Variants in SLC44A5 observed in about 807,000 individuals in gnomAD.
The protein encoded by SLC44A5 is solute carrier family 44 member 5, also known as choline transporter-like protein 5.
A neutral mutation model predicts 101.8 loss-of-function variants in SLC44A5; 57 were observed. That is an observed-to-expected ratio of 0.56 (90% CI 0.45 to 0.70). The LOEUF (loss-of-function observed/expected upper bound fraction) is 0.70. SLC44A5 is among the 30% of genes least tolerant of loss of function. The pLI, the probability that SLC44A5 is intolerant of heterozygous loss-of-function variation, is 0.00. For missense variants in SLC44A5, 737 were observed against 853.1 expected (o/e 0.86, Z 1.70); for synonymous variants, 281 against 290.9 (o/e 0.97, Z 0.35).
chr1:75,326,004 T>C (rs12726507), intron 4 of SLC44A5, among the ~76,000 whole-genome samples: 47,362 of 151,706 alleles, frequency 0.31, 8,905 homozygotes, highest in East Asian at 0.82. Context: ...TACAATTTTC[T>C]ACTTGTGATG....
chr1:75,564,929 ATTTTTAT>A (rs1256362093), intron 1 of SLC44A5, among the ~76,000 whole-genome samples: 1 of 152,056 alleles, frequency 6.6e-6, no homozygotes, highest in African/African-American at 2.4e-5. Flanking sequence ...GCCTATTTTT[ATTTTTAT>A]TTTTAAGTCC....
chr1:75,322,053 T>C (rs1656194266), intron 4 of SLC44A5, among the ~76,000 whole-genome samples: 1 of 152,074 alleles, frequency 6.6e-6, no homozygotes, highest in South Asian at 2.1e-4. Flanking sequence ...GTGGCTCACG[T>C]CTGGAATTCC....
chr1:75,635,259 C>T, the SLC44A5 span, among the ~76,000 whole-genome samples: 5 of 151,386 alleles, frequency 3.3e-5, no homozygotes, highest in East Asian at 2.0e-4. Context: ...GGCGATTCCT[C>T]GGGGATCTAG....
intron 4 of SLC44A5, among the ~76,000 whole-genome samples, chr1:75,322,299 G>A (rs1656219593): frequency 2.0e-5 from 3 of 151,970 alleles, no homozygotes; most frequent in South Asian, 2.1e-4. Context: ...GCAACAGAGC[G>A]AGACTCCATC....
At chr1:75,562,713 C>T (rs1230471239) in intron 1 of SLC44A5, among the ~76,000 whole-genome samples, 1 of 152,080 alleles carries the variant, frequency 6.6e-6, no homozygotes, top group African/African-American at 2.4e-5. Flanking sequence ...TAATTTTCGT[C>T]TCTTAAGTCT....
At chr1:75,301,055 G>A (rs1055320490) in intron 4 of SLC44A5, among the ~76,000 whole-genome samples, 2 of 151,958 alleles carry the variant, frequency 1.3e-5, no homozygotes, top group African/African-American at 4.8e-5. Flanking sequence ...TTCACACATG[G>A]TATAAAATAG....
intron 3 of SLC44A5, among the ~76,000 whole-genome samples, chr1:75,370,406 G>A (rs1378887891): frequency 6.6e-6 from 1 of 152,086 alleles, no homozygotes; most frequent in African/African-American, 2.4e-5. Flanking sequence ...TCAGCCTTGG[G>A]TAGCATAGTG....
At chr1:75,276,358 G>A (rs993013090) in intron 5 of SLC44A5, among the ~76,000 whole-genome samples, 1 of 152,028 alleles carries the variant, frequency 6.6e-6, no homozygotes, top group African/African-American at 2.4e-5. Flanking sequence ...CTATACCTTA[G>A]TTTGTCATGT....
At chr1:75,623,608 C>A in the SLC44A5 span, among the ~76,000 whole-genome samples, 2 of 151,674 alleles carry the variant, frequency 1.3e-5, no homozygotes, top group African/African-American at 4.8e-5. Flanking sequence ...TTAAAATGGA[C>A]CATCTTGGAC....
chr1:75,434,113 ATC>A (rs1481849353), intron 2 of SLC44A5, among the ~76,000 whole-genome samples: 1 of 151,996 alleles, frequency 6.6e-6, no homozygotes. Flanking sequence ...TCACCCTCTC[ATC>A]TCTAAGCCCT....
chr1:75,503,148 C>T (rs990618068), intron 2 of SLC44A5, among the ~76,000 whole-genome samples: 2 of 151,644 alleles, frequency 1.3e-5, no homozygotes, highest in African/African-American at 4.8e-5. Context: ...TTTCACTTTA[C>T]CTCAACTCTT....
intron 3 of SLC44A5, among the ~76,000 whole-genome samples, chr1:75,394,183 A>C (rs1019969962): frequency 1.3e-5 from 2 of 152,134 alleles, no homozygotes; most frequent in Non-Finnish European, 2.9e-5. Context: ...GAAGCAGAAG[A>C]GGAAAGTTTA....
the SLC44A5 span, among the ~76,000 whole-genome samples, chr1:75,683,621 G>T: frequency 2.0e-5 from 3 of 152,268 alleles, no homozygotes; most frequent in South Asian, 4.2e-4. Context: ...TGGCGGAAGG[G>T]GGGAGGGATA....
At chr1:75,306,178 A>ATT (rs1557644869) in intron 4 of SLC44A5, among the ~76,000 whole-genome samples, 11 of 152,250 alleles carry the variant, frequency 7.2e-5, no homozygotes, top group Non-Finnish European at 1.2e-4. Flanking sequence ...CTTTTGCTAC[A>ATT]ATGGCTTAGT....
chr1:75,272,669 G>A (rs2100738316), intron 6 of SLC44A5, among the ~76,000 whole-genome samples: 1 of 151,954 alleles, frequency 6.6e-6, no homozygotes, highest in Non-Finnish European at 1.5e-5. Flanking sequence ...TTTACGTTTT[G>A]TATGCTTTGT....
At chr1:75,651,833 CCA>C in the SLC44A5 span, among the ~76,000 whole-genome samples, 1 of 151,630 alleles carries the variant, frequency 6.6e-6, no homozygotes, top group Non-Finnish European at 1.5e-5. Context: ...AGGAGAGGCC[CCA>C]CACACACACA....
At chr1:75,430,179 AC>A (rs1664535755) in intron 2 of SLC44A5, among the ~76,000 whole-genome samples, 1 of 152,094 alleles carries the variant, frequency 6.6e-6, no homozygotes, top group Non-Finnish European at 1.5e-5. Context: ...ATGGATTATT[AC>A]CATTATAAAA....
intron 3 of SLC44A5, among the ~76,000 whole-genome samples, chr1:75,368,912 AG>A (rs1355190367): frequency 6.6e-6 from 1 of 152,222 alleles, no homozygotes; most frequent in Non-Finnish European, 1.5e-5. Flanking sequence ...ACATCATTAA[AG>A]TCCAACAAAA....
intron 7 of SLC44A5, among the ~76,000 whole-genome samples, chr1:75,246,666 G>A (rs1023255961): frequency 6.6e-5 from 10 of 152,096 alleles, no homozygotes; most frequent in African/African-American, 2.4e-4. Flanking sequence ...GAGAGAGAAA[G>A]GAGTGGCTGC....
Sources: gnomAD v4.1 joint callset for allele counts (sites outside exome capture counted in the v4.1 genomes callset) on GRCh38, gnomAD v4.1.1 for gene constraint, MANE v1.5 for transcripts, NCBI Gene and HGNC (gene_info 2026-07-23, HGNC 2026-07-21) for gene names.